VPS13A: variants seen among roughly 807,000 people sequenced by gnomAD.
The protein encoded by VPS13A is intermembrane lipid transfer protein VPS13A.
A neutral mutation model predicts 390.9 loss-of-function variants in VPS13A; 264 were observed. The ratio of observed to expected loss-of-function variants is 0.68; its 90% CI spans 0.61 to 0.75. The LOEUF is 0.75. VPS13A is among the 30% of genes least tolerant of loss of function. The pLI, the probability that VPS13A is intolerant of heterozygous loss-of-function variation, is 0.00. For missense variants in VPS13A, 3,409 were observed against 3,733.9 expected (o/e 0.91, Z 2.27); for synonymous variants, 1,231 against 1,227.1 (o/e 1.00, Z -0.07).
Position 77,295,800 on chromosome 9 carries a change from G to A in VPS13A, c.3766G>A (p.Val1256Ile). Reference protein sequence around the residue: ...ITESQSSPPPVIDLITIKLSE... With the variant: ...ITESQSSPPPIIDLITIKLSE... ...AGAGAGCCAGAGCTCTCCCCCACCT[G>A]TTATTGATTTGATAACAATAAAGCT... Residue 1256 changes from valine to isoleucine, a missense_variant, in exon 33 of 72, where the codon GTT becomes ATT. Val to Ile is a conservative substitution (Grantham distance 29). Transcript: ENST00000360280. The A allele has an allele frequency of 1.9e-6, 3 of 1,613,904 alleles. No homozygotes were observed. The South Asian group carries it at 3.3e-5, about 18-fold the overall frequency.
In VPS13A at chr9:77,415,947, C is replaced by T. The variant is rs1168325160; in HGVS notation, c.9475-9C>T. On this transcript the variant is annotated splice_polypyrimidine_tract_variant and intron_variant, in intron 71 of 71. Transcript: ENST00000360280. The stretch of plus-strand genomic sequence containing the variant: ...AGTAAGCAAATGTTCATTTATTTTC[C>T]CACCGCAGTGGATCCTCACAAAGCT... 17 of 1,612,944 alleles carry T rather than the reference C, an allele frequency of 1.1e-5. No homozygotes were observed. The highest frequency in any genetic ancestry group is 1.4e-5 in the Non-Finnish European group (17 of 1,179,212).
chr9:77,342,891 G>T (rs1326511347), intron 50 of VPS13A, among the ~76,000 whole-genome samples: 2 of 152,192 alleles, frequency 1.3e-5, no homozygotes, highest in Non-Finnish European at 2.9e-5. Flanking sequence ...CATGGGGATT[G>T]TCTCACCGTC....
chr9:77,371,383 G>A (rs111613563), intron 67 of VPS13A, among the ~76,000 whole-genome samples: 7 of 152,108 alleles, frequency 4.6e-5, no homozygotes, highest in South Asian at 2.1e-4. Context: ...GCCTTTTTGC[G>A]GTGTCATCCC....
At chr9:77,186,979 A>C (rs911717364) in intron 1 of VPS13A, among the ~76,000 whole-genome samples, 1 of 152,228 alleles carries the variant, frequency 6.6e-6, no homozygotes, top group Non-Finnish European at 1.5e-5. Flanking sequence ...GGAATTATAC[A>C]GTATTTGCCA....
intron 13 of VPS13A, 50 bp from the exon 14 acceptor site, chr9:77,225,876 A>G: frequency 7.0e-7 from 1 of 1,420,232 alleles, no homozygotes; most frequent in Non-Finnish European, 9.9e-7. Context: ...TAAGTTAATT[A>G]TGTAAAGTTA....
At chr9:77,372,498 GCT>G (rs1745395175) in intron 67 of VPS13A, among the ~76,000 whole-genome samples, 1 of 152,002 alleles carries the variant, frequency 6.6e-6, no homozygotes, top group South Asian at 2.1e-4. Context: ...AATAATAAGA[GCT>G]ATCTATGACA....
rs1480866718 is a variant in VPS13A at position 77,417,424 on chromosome 9, A to C, written c.*1418A>C. On this transcript the variant is annotated 3_prime_UTR_variant, in exon 72 of 72. Transcript: ENST00000360280. ...GCTATTGATTTCTCTCTGATTACTA[A>C]AACACATTGTTTATTCTCAGTAGTT... The C allele has an allele frequency of 6.6e-6, 1 of 152,166 alleles. No homozygotes were observed. Among genetic ancestry groups the C allele is most frequent in the Non-Finnish European group, 1.5e-5 (1 of 68,028 alleles). The allele number at this position is 152,166 out of a possible 1,614,324, so 9.4% of individuals were successfully genotyped here.
At chr9:77,275,411 G>A (rs1826594568) in intron 24 of VPS13A, 87 bp from the exon 25 acceptor site, 6 of 1,272,870 alleles carry the variant, frequency 4.7e-6, no homozygotes, top group South Asian at 2.5e-5. Flanking sequence ...GAGCCTTAGT[G>A]TTTTAGTGTT....
chr9:77,414,739 TTAATAATAA>T (rs148536381), intron 71 of VPS13A, among the ~76,000 whole-genome samples: 28 of 145,696 alleles, frequency 1.9e-4, no homozygotes, highest in South Asian at 4.3e-4. Flanking sequence ...TGAAGTATAA[TTAATAATAA>T]TAATAATAAT....
At chr9:77,332,458 A>G (rs1343121350) in intron 46 of VPS13A, among the ~76,000 whole-genome samples, 1 of 151,852 alleles carries the variant, frequency 6.6e-6, no homozygotes, top group Non-Finnish European at 1.5e-5. Flanking sequence ...TGTACTTCTC[A>G]AAGGTTTTAT....
chr9:77,215,434 GA>G (rs1339318594), intron 10 of VPS13A, among the ~76,000 whole-genome samples: 2 of 152,288 alleles, frequency 1.3e-5, no homozygotes, highest in East Asian at 3.9e-4. Flanking sequence ...ATTCAGAACA[GA>G]TGAGTTATCT....
chr9:77,315,865 C>T (rs569383176), intron 38 of VPS13A, among the ~76,000 whole-genome samples: 8 of 151,968 alleles, frequency 5.3e-5, no homozygotes, highest in East Asian at 1.9e-4. Context: ...TTTTAACGTA[C>T]GGTTTCTCTA....
intron 49 of VPS13A, 57 bp downstream of exon 49, chr9:77,340,339 C>A: frequency 6.3e-7 from 1 of 1,598,296 alleles, no homozygotes. Flanking sequence ...CTATTAACTA[C>A]TTAATTAAAT....
Position 77,420,449 on chromosome 9 carries a change from G to T in VPS13A, c.*4443G>T, listed in dbSNP as rs2131680768. The T allele has an allele frequency of 6.6e-6, 1 of 151,102 alleles. No homozygotes were observed. The highest frequency in any genetic ancestry group is 2.1e-4 in the South Asian group (1 of 4,794). 9.4% of individuals were successfully genotyped at this position (151,102 alleles called of 1,614,324 possible). On this transcript the variant is annotated 3_prime_UTR_variant, in exon 72 of 72. Coordinates refer to ENST00000360280, the MANE Select transcript of VPS13A (RefSeq NM_033305.3). ...TTTTTTACTTTAGAATTACAGATTA[G>T]TTCTTTTTTTAAAGCATTATGGCAT...
At chr9:77,219,082 G>A (rs879659382) in intron 10 of VPS13A, among the ~76,000 whole-genome samples, 1 of 152,052 alleles carries the variant, frequency 6.6e-6, no homozygotes, top group African/African-American at 2.4e-5. Flanking sequence ...GAGGTGAAGG[G>A]CAGAGAAAGG....
At chr9:77,372,497 A>T (rs1832830239) in intron 67 of VPS13A, among the ~76,000 whole-genome samples, 1 of 152,108 alleles carries the variant, frequency 6.6e-6, no homozygotes, top group Non-Finnish European at 1.5e-5. Context: ...AAATAATAAG[A>T]GCTATCTATG....
rs555270988 is a variant in VPS13A, at chr9:77,312,706, T to C, written c.4115-1286T>C. Among the ~76,000 whole-genome samples the C allele has an allele frequency of 3.3e-5, 5 of 152,278 alleles. No individual in the cohort carries two copies. The South Asian group carries it at 8.3e-4, about 25-fold the overall frequency. ...CTGGGATTACAGGTGTGAGCCACCA[T>C]GCCCAGCCGTTCATATAATTATTTA... On this transcript the variant is annotated intron_variant, in intron 35 of 71. Transcript: ENST00000360280.
intron 68 of VPS13A, among the ~76,000 whole-genome samples, chr9:77,401,123 A>ATACTT: frequency 6.6e-6 from 1 of 152,322 alleles, no homozygotes; most frequent in East Asian, 1.9e-4. Flanking sequence ...ATGTCTGCAT[A>ATACTT]TACTTTACCA....
chr9:77,262,580 C>T (rs1406220113), intron 23 of VPS13A, among the ~76,000 whole-genome samples: 1 of 152,116 alleles, frequency 6.6e-6, no homozygotes, highest in Non-Finnish European at 1.5e-5. Context: ...CTATCCCTCC[C>T]CTAGCCCCCG....
Sources: allele counts gnomAD v4.1 joint callset (sites outside exome capture counted in the v4.1 genomes callset), GRCh38; gene constraint gnomAD v4.1.1; transcripts MANE v1.5; gene names NCBI Gene and HGNC (gene_info 2026-07-23, HGNC 2026-07-21).